AKAP13: variants seen among roughly 807,000 people sequenced by gnomAD.
The protein encoded by AKAP13 is A-kinase anchoring protein 13.
In AKAP13, 80 loss-of-function variants were observed where a neutral mutation model predicts 264.5. That is an observed-to-expected ratio of 0.30 (90% confidence interval 0.25 to 0.36). The LOEUF (loss-of-function observed/expected upper bound fraction) is 0.36. Among genes scored for constraint, AKAP13 ranks in the 10% least tolerant of loss-of-function variants. AKAP13 has a pLI of 1.00. For synonymous variants in AKAP13, 1,380 were observed against 1,250.2 expected (o/e 1.10, Z -2.19); for missense variants, 3,712 against 3,435.2 (o/e 1.08, Z -2.01).
Position 85,562,574 on chromosome 15 carries a change from A to AAAAT in AKAP13, c.663-12556_663-12555insAATA, listed in dbSNP as rs1351834745. ...AGTGAGAATCTGCCTCAAAAAAAAA[A>AAAAT]ATATATATATATATATATATATATA... On this transcript the variant is annotated intron_variant, in intron 5 of 36. Coordinates refer to ENST00000394518, the MANE Select transcript of AKAP13 (RefSeq NM_007200.5). 7.3e-4 allele frequency among the ~76,000 whole-genome samples: 57 copies of AAAAT among 77,674 alleles called. 2 individuals carry two copies. Among genetic ancestry groups the AAAAT allele is most frequent in the South Asian group, 3.0e-3 (6 of 2,024 alleles). 51.0% of individuals were successfully genotyped at this position (77,674 alleles called of 152,430 possible). A position where few individuals can be genotyped will look rare whatever the true frequency, so the allele number is the denominator to read the frequency against.
chr15:85,736,973 C>T lies in AKAP13; in HGVS notation c.7557+839C>T, dbSNP rs567647429. ...TTGCTCTGTTGTCCAGGCTGGAGTA[C>T]GGTGGTGCGATCTCAGCTCACTGCA... On this transcript the variant is annotated intron_variant, in intron 33 of 36. Transcript: ENST00000394518. Among the ~76,000 whole-genome samples the T allele has an allele frequency of 5.4e-4, 69 of 126,966 alleles. 1 individual carries two copies. The highest frequency in any genetic ancestry group is 1.6e-3 in the East Asian group (6 of 3,796). 83.3% of individuals were successfully genotyped at this position (126,966 alleles called of 152,430 possible). A position where few individuals can be genotyped will look rare whatever the true frequency, so the allele number is the denominator to read the frequency against.
chr15:85,496,948 AATTT>A, intron 2 of AKAP13, among the ~76,000 whole-genome samples: 1 of 38,088 alleles, frequency 2.6e-5, no homozygotes, highest in Non-Finnish European at 7.8e-5. Flanking sequence ...ACTTGCTTTG[AATTT>A]GAAGTTAATG....
intron 1 of AKAP13, among the ~76,000 whole-genome samples, chr15:85,419,167 C>CAT (rs1308001467): frequency 6.6e-6 from 1 of 152,194 alleles, no homozygotes; most frequent in Non-Finnish European, 1.5e-5. Context: ...ATCTTTGTAT[C>CAT]ATATCATCAT....
chr15:85,686,408 G>A (rs970259078), intron 16 of AKAP13, among the ~76,000 whole-genome samples: 3 of 152,132 alleles, frequency 2.0e-5, no homozygotes, highest in African/African-American at 7.2e-5. Context: ...ACCATGTTTT[G>A]TAAGATCTCT....
At chr15:85,554,688 C>A (rs1173210905) in intron 5 of AKAP13, among the ~76,000 whole-genome samples, 1 of 151,958 alleles carries the variant, frequency 6.6e-6, no homozygotes, top group Non-Finnish European at 1.5e-5. Flanking sequence ...ATATATCAAT[C>A]GTTTCGGGTG....
intron 19 of AKAP13, among the ~76,000 whole-genome samples, chr15:85,710,922 A>G (rs1477696067): frequency 2.6e-5 from 4 of 152,064 alleles, no homozygotes; most frequent in African/African-American, 9.7e-5. Flanking sequence ...GCGCATCTCA[A>G]CTTCCTCTTT....
At chr15:85,703,850 A>AT (rs2086071383) in intron 17 of AKAP13, among the ~76,000 whole-genome samples, 1 of 138,860 alleles carries the variant, frequency 7.2e-6, no homozygotes, top group Non-Finnish European at 1.6e-5. Context: ...CTCAAAAAAA[A>AT]AAAATATATA....
At chr15:85,744,271 GC>G (rs1190246905) in intron 36 of AKAP13, 27 of 309,578 alleles carry the variant, frequency 8.7e-5, no homozygotes, top group Non-Finnish European at 1.5e-4. Context: ...CACAGAGCCT[GC>G]GGCTGAATTC....
chr15:85,719,102 G>A lies in AKAP13; in HGVS notation c.6028G>A (p.Val2010Ile). The change falls in exon 23 of 37, where the codon GTC (valine) becomes ATC (isoleucine). Residue 2010 changes from valine to isoleucine, a missense_variant. Physicochemically the swap from Val to Ile is conservative, Grantham distance 29. Transcript: ENST00000394518. The part of the protein sequence containing the change: ...YELMQTEFHH[V>I]RTLKIMSGVY... ...GTTGATGCAGACAGAGTTTCATCAT[G>A]TCCGCACTCTCAAGATCATGAGTGG... 1 of 1,614,054 alleles carries A rather than the reference G, an allele frequency of 6.2e-7. No homozygotes were observed. The highest frequency in any genetic ancestry group is 8.5e-7 in the Non-Finnish European group (1 of 1,180,016).
chr15:85,714,717 C>T (rs760697100), intron 19 of AKAP13, among the ~76,000 whole-genome samples: 5 of 152,190 alleles, frequency 3.3e-5, no homozygotes, highest in Non-Finnish European at 5.9e-5. Context: ...GCCTGTAATC[C>T]CAGCACTTTG....
intron 1 of AKAP13, among the ~76,000 whole-genome samples, chr15:85,471,223 C>T (rs1323279208): frequency 3.9e-5 from 6 of 152,144 alleles, no homozygotes; most frequent in Non-Finnish European, 4.4e-5. Flanking sequence ...TGGCTGGGCG[C>T]GGTGGCTCAC....
intron 5 of AKAP13, among the ~76,000 whole-genome samples, chr15:85,568,211 G>A (rs749776752): frequency 1.3e-5 from 2 of 151,814 alleles, no homozygotes; most frequent in Non-Finnish European, 2.9e-5. Flanking sequence ...GAAGTGGGAG[G>A]ATCACTGGAG....
Position 85,655,721 on chromosome 15 carries a change from C to G in AKAP13, c.4679C>G (p.Pro1560Arg), listed in dbSNP as rs1478012276. Residue 1560 changes from proline (P) to arginine (R), a missense_variant, in exon 11 of 37, where the codon CCC (proline) becomes CGC (arginine). Physicochemically the swap from Pro to Arg is moderately radical, Grantham distance 103. Around this residue, in one of 3 missense-constraint regions of AKAP13, gnomAD observed 2,759 missense variants for 2,411.7 expected, o/e 1.14. Coordinates refer to ENST00000394518, the MANE Select transcript of AKAP13 (RefSeq NM_007200.5). ...AGGAGCTCCATGCGCTCTCTTTCTC[C>G]CTTCCGGAGGCACAGCTGGGGGCCT... is the stretch of plus-strand genomic sequence containing the variant. ...VLRSSMRSLS[P>R]FRRHSWGPGK... 26 of 1,613,866 alleles carry G rather than the reference C, an allele frequency of 1.6e-5. No homozygotes were observed. Among genetic ancestry groups the G allele is most frequent in the Non-Finnish European group, 2.1e-5 (25 of 1,179,766 alleles).
At chr15:85,417,638 C>G (rs1236478761) in intron 1 of AKAP13, among the ~76,000 whole-genome samples, 1 of 152,198 alleles carries the variant, frequency 6.6e-6, no homozygotes, top group Non-Finnish European at 1.5e-5. Context: ...AGTTTGAAAT[C>G]TTTCTTTTGC....
rs1236066903 is a variant in AKAP13, at chr15:85,743,654, A to G, written c.8221A>G (p.Lys2741Glu). 1 of 1,614,104 alleles carries G rather than the reference A, an allele frequency of 6.2e-7. No homozygotes were observed. Among genetic ancestry groups the G allele is most frequent in the Non-Finnish European group, 8.5e-7 (1 of 1,180,046 alleles). Reference protein sequence around the residue: ...RNSISRTHKDKGPFHILSSTS... With the variant: ...RNSISRTHKDEGPFHILSSTS... Reference sequence around the variant, plus strand: ...CAGCATCTCTCGGACACACAAAGATAAGGGGCCTTTTCACATACTGAGTTC... The same window carrying G: ...CAGCATCTCTCGGACACACAAAGATGAGGGGCCTTTTCACATACTGAGTTC... The change falls in exon 36 of 37, where the codon AAG becomes GAG. Residue 2741 changes from lysine to glutamate, a missense_variant. Physicochemically the swap from Lys to Glu is moderately conservative, Grantham distance 56. This residue lies in a region of AKAP13 where 611 missense variants were observed against 539.3 expected (regional missense o/e 1.13). Transcript: ENST00000394518.
At chr15:85,532,761 GCTGAC>G (rs1240491425) in intron 3 of AKAP13, among the ~76,000 whole-genome samples, 1 of 152,210 alleles carries the variant, frequency 6.6e-6, no homozygotes, top group Non-Finnish European at 1.5e-5. Context: ...GTTAAATCTT[GCTGAC>G]CTGTCTGCAG....
At chr15:85,584,721 T>C (rs1042050027) in intron 7 of AKAP13, among the ~76,000 whole-genome samples, 1 of 152,224 alleles carries the variant, frequency 6.6e-6, no homozygotes. Flanking sequence ...CATGTGCTCC[T>C]AGAATAAAAT....
chr15:85,744,954 G>C lies in AKAP13; in HGVS notation c.*277G>C, dbSNP rs536152011. ...GGATTACACTGAAAGTAATGGCCTC[G>C]TAAGTACAGGTGATGGTTTTGGACA... On this transcript the variant is annotated 3_prime_UTR_variant, in exon 37 of 37. Coordinates refer to ENST00000394518, the MANE Select transcript of AKAP13 (RefSeq NM_007200.5). 1 of 354,672 alleles carries C rather than the reference G, an allele frequency of 2.8e-6. No individual in the cohort carries two copies. The highest frequency in any genetic ancestry group is 2.1e-5 in the African/African-American group (1 of 46,930). 22.0% of individuals were successfully genotyped at this position (354,672 alleles called of 1,614,324 possible).
At chr15:85,492,079 A>G (rs944371464) in intron 2 of AKAP13, among the ~76,000 whole-genome samples, 47 of 152,368 alleles carry the variant, frequency 3.1e-4, no homozygotes, top group South Asian at 4.1e-4. Context: ...ACAAATACCA[A>G]GTCCACAACT....
Sources: gnomAD v4.1 joint callset for allele counts (sites outside exome capture counted in the v4.1 genomes callset) on GRCh38, gnomAD v4.1.1 for gene constraint, gnomAD v4.1.1 regional missense constraint, MANE v1.5 for transcripts, NCBI Gene and HGNC (gene_info 2026-07-23, HGNC 2026-07-21) for gene names.